ECT2: variants seen among roughly 807,000 people sequenced by gnomAD.
ECT2 encodes the protein epithelial cell transforming 2, also known as protein ECT2.
A neutral mutation model predicts 116.9 loss-of-function variants in ECT2; 61 were observed. That is an observed-to-expected ratio of 0.52 (90% CI 0.42 to 0.65). The LOEUF is 0.65. Among genes scored for constraint, ECT2 ranks in the 30% least tolerant of loss-of-function variants. The pLI is 0.00. For synonymous variants in ECT2, 358 were observed against 346.4 expected, an observed-to-expected ratio of 1.03 and a Z score of -0.37; for missense variants, 937 against 1,078.7, an observed-to-expected ratio of 0.87 and a Z score of 1.84.
In ECT2 at chr3:172,760,277, G is replaced by A; in HGVS notation, c.684+14G>A. 3.2e-6 allele frequency: 5 copies of A among 1,553,602 alleles called. No homozygotes were observed. The highest frequency in any genetic ancestry group is 4.4e-6 in the Non-Finnish European group (5 of 1,129,692). ...GAAAAATTCAGGGTATGTAAACTTG[G>A]GTATTTTTGTGTATTTCAATACAGC... On this transcript the variant is annotated intron_variant, in intron 7 of 24. Transcript: ENST00000392692.
At chr3:172,778,588 CTTTTTTTTTTTTTT>C (rs5854485) in intron 14 of ECT2, among the ~76,000 whole-genome samples, 6 of 59,782 alleles carry the variant, frequency 1.0e-4, no homozygotes, top group Non-Finnish European at 1.9e-4. Flanking sequence ...TATTAGCTAT[CTTTTTTTTTTTTTT>C]TTTTTTTTTT....
At chr3:172,782,468 T>G (rs1722880234) in intron 15 of ECT2, among the ~76,000 whole-genome samples, 1 of 152,216 alleles carries the variant, frequency 6.6e-6, no homozygotes, top group South Asian at 2.1e-4. Context: ...TGTGGTATAA[T>G]TGTTTTAGTA....
intron 18 of ECT2, among the ~76,000 whole-genome samples, chr3:172,794,883 T>A (rs1049146420): frequency 2.0e-5 from 3 of 151,510 alleles, no homozygotes; most frequent in African/African-American, 7.3e-5. Flanking sequence ...CCTGGCTAAT[T>A]TTTTTTTAAG....
At position 172,802,666 on chromosome 3, in the gene ECT2, ATGT is replaced by A; in HGVS notation, c.1963_1965del (p.Val655del). The A allele has an allele frequency of 6.2e-7, 1 of 1,603,404 alleles. No homozygotes were observed. The highest frequency in any genetic ancestry group is 2.2e-5 in the East Asian group (1 of 44,554). ...ACAGAAGCTCAAAAGCAAATTTTTG[ATGT>A]TGTTTATGAAGTAGATGGATGCCCA... On this transcript the variant is annotated inframe_deletion, in exon 19 of 25. Transcript: ENST00000392692.
At chr3:172,806,115 G>C (rs776144100) in intron 21 of ECT2, 1 of 321,060 alleles carries the variant, frequency 3.1e-6, no homozygotes, top group Non-Finnish European at 5.7e-6. Context: ...AAAGGTCAAA[G>C]AGCTTTTAAA....
Position 172,769,120 on chromosome 3 carries a change from A to G in ECT2, c.1405A>G (p.Asn469Asp). 6.2e-7 allele frequency: 1 copy of G among 1,612,730 alleles called. No homozygotes were observed. Among genetic ancestry groups the G allele is most frequent in the Non-Finnish European group, 8.5e-7 (1 of 1,179,090 alleles). ...ELYQTESNYV[N>D]ILATIIQLFQ... The stretch of plus-strand genomic sequence containing the variant: ...TTATCAAACTGAAAGTAATTATGTT[A>G]ATATATTGGCAACAATTATTCAGGT... Residue 469 changes from asparagine to aspartate, a missense_variant, in exon 13 of 25, where the codon AAT (asparagine) becomes GAT (aspartate). By Grantham distance (23) the Asn-to-Asp change is conservative. Coordinates refer to ENST00000392692, the MANE Select transcript of ECT2 (RefSeq NM_001258315.2).
chr3:172,769,611 A>T (rs1409544595), intron 13 of ECT2, among the ~76,000 whole-genome samples: 2 of 152,196 alleles, frequency 1.3e-5, no homozygotes, highest in Non-Finnish European at 2.9e-5. Context: ...TTCATGTGAC[A>T]CATGAAATAT....
chr3:172,807,686 T>C, intron 21 of ECT2, 84 bp from the exon 22 acceptor site: 1 of 1,427,804 alleles, frequency 7.0e-7, no homozygotes. Flanking sequence ...TGGAATTTCA[T>C]TGCTCTGAGG....
At chr3:172,822,943 G>T (rs545457092), downstream of ECT2, among the ~76,000 whole-genome samples, 6 of 152,128 alleles carry the variant, frequency 3.9e-5, no homozygotes, top group Admixed American at 2.0e-4. Flanking sequence ...CTAGAAGGGG[G>T]TAGAAAGCAA....
chr3:172,754,673 C>A lies in ECT2; in HGVS notation c.130+13C>A. The A allele has an allele frequency of 6.3e-7, 1 of 1,580,520 alleles. No individual in the cohort carries two copies. The highest frequency in any genetic ancestry group is 8.6e-7 in the Non-Finnish European group (1 of 1,162,338). ...TCATATGTAGAAGGTAAACCTGTTA[C>A]CTGCTTTAAAACAATCAATTTCTAT... On this transcript the variant is annotated intron_variant, in intron 2 of 24. Transcript: ENST00000392692.
At chr3:172,751,231 A>T (rs963074609) in intron 1 of ECT2, 1 of 152,216 alleles carries the variant, frequency 6.6e-6, no homozygotes, top group Non-Finnish European at 1.5e-5. Flanking sequence ...CCGTGGTTTT[A>T]TTCTAGGATT....
intron 20 of ECT2, among the ~76,000 whole-genome samples, chr3:172,804,907 A>G (rs1314798015): frequency 1.3e-5 from 2 of 151,252 alleles, no homozygotes; most frequent in Middle Eastern, 3.4e-3. Context: ...TTTTTGTTCT[A>G]TCCCTTTTAG....
chr3:172,752,982 G>A (rs1326242201), intron 1 of ECT2, among the ~76,000 whole-genome samples: 1 of 152,196 alleles, frequency 6.6e-6, no homozygotes, highest in African/African-American at 2.4e-5. Flanking sequence ...AAGTAGGAAA[G>A]GGGAAAGTCT....
Position 172,782,247 on chromosome 3 carries a change from C to CT in ECT2, c.1617+22dup. ...TCTGAAATATGTAAGTATTGTATTTCTTTTTTAAGTTTTCAGATTAAAATA... is the reference window on the plus strand; with the variant it reads ...TCTGAAATATGTAAGTATTGTATTTCTTTTTTTAAGTTTTCAGATTAAAATA... On this transcript the variant is annotated intron_variant, in intron 15 of 24. Coordinates refer to ENST00000392692, the MANE Select transcript of ECT2 (RefSeq NM_001258315.2). 6.8e-7 allele frequency: 1 copy of CT among 1,463,570 alleles called. No homozygotes were observed. Among genetic ancestry groups the CT allele is most frequent in the Non-Finnish European group, 9.4e-7 (1 of 1,065,194 alleles). The allele number at this position is 1,463,570 out of a possible 1,614,324, so 90.7% of individuals were successfully genotyped here. A position where few individuals can be genotyped will look rare whatever the true frequency, so the allele number is the denominator to read the frequency against.
intron 18 of ECT2, among the ~76,000 whole-genome samples, chr3:172,798,493 T>C (rs1256129232): frequency 6.6e-6 from 1 of 152,184 alleles, no homozygotes. Flanking sequence ...TAAAAAACTG[T>C]TGGATTCACG....
chr3:172,786,230 T>G (rs1442142716), intron 17 of ECT2, among the ~76,000 whole-genome samples: 1 of 151,996 alleles, frequency 6.6e-6, no homozygotes, highest in Non-Finnish European at 1.5e-5. Flanking sequence ...AATTTAGGAG[T>G]CCCCAAGCAT....
chr3:172,780,288 T>C (rs1722461240), intron 14 of ECT2, among the ~76,000 whole-genome samples: 1 of 152,202 alleles, frequency 6.6e-6, no homozygotes, highest in African/African-American at 2.4e-5. Flanking sequence ...GAAGTTCTTT[T>C]TTTCTGGTCA....
chr3:172,821,114 G>GA lies in ECT2; in HGVS notation c.*880dup, dbSNP rs1730631202. The GA allele has an allele frequency of 6.6e-6, 1 of 151,880 alleles. No individual in the cohort carries two copies. Among genetic ancestry groups the GA allele is most frequent in the Non-Finnish European group, 1.5e-5 (1 of 67,794 alleles). The allele number at this position is 151,880 out of a possible 1,614,324, so 9.4% of individuals were successfully genotyped here. A position where few individuals can be genotyped will look rare whatever the true frequency, so the allele number is the denominator to read the frequency against. ...GCCATCAGTTTTACTAATCTTCTGT[G>GA]AAATGCATAGATATGCGCATGTTCA... On this transcript the variant is annotated 3_prime_UTR_variant, in exon 25 of 25. Coordinates refer to ENST00000392692, the MANE Select transcript of ECT2 (RefSeq NM_001258315.2).
At chr3:172,772,977 C>G (rs1335308016) in intron 13 of ECT2, among the ~76,000 whole-genome samples, 2 of 152,210 alleles carry the variant, frequency 1.3e-5, no homozygotes, top group East Asian at 1.9e-4. Context: ...TTTCTCCCCT[C>G]ATGAATACCC....
Sources: gnomAD v4.1 joint callset for allele counts (sites outside exome capture counted in the v4.1 genomes callset) on GRCh38, gnomAD v4.1.1 for gene constraint, MANE v1.5 for transcripts, NCBI Gene and HGNC (gene_info 2026-07-23, HGNC 2026-07-21) for gene names.